The following KIAA1549L variants were observed in gnomAD, a reference collection of about 807,000 sequenced individuals.
KIAA1549L encodes the protein KIAA1549 like.
KIAA1549L carries 88 observed loss-of-function variants against 160.7 expected under a neutral mutation model. That is an observed-to-expected ratio of 0.55 (90% confidence interval 0.46 to 0.65). The LOEUF is 0.65. Among genes scored for constraint, KIAA1549L ranks in the 30% least tolerant of loss-of-function variants. KIAA1549L has a pLI of 0.00. For missense variants in KIAA1549L, 2,258 were observed against 2,437.5 expected (o/e 0.93, Z 1.55); for synonymous variants, 950 against 976.7 (o/e 0.97, Z 0.51).
At chr11:33,435,842 ATGTGTGTGTGTGTGTGTGTG>A (rs71034688) in intron 1 of KIAA1549L, among the ~76,000 whole-genome samples, 1 of 67,632 alleles carries the variant, frequency 1.5e-5, no homozygotes, top group Non-Finnish European at 2.6e-5. Context: ...GTATATGTAT[ATGTGTGTGTGTGTGTGTGTG>A]TATAAAATAT....
At chr11:33,528,868 G>A (rs1450886705) in intron 1 of KIAA1549L, among the ~76,000 whole-genome samples, 2 of 152,202 alleles carry the variant, frequency 1.3e-5, no homozygotes, top group Non-Finnish European at 2.9e-5. Context: ...TACACGTTGG[G>A]TACAGTGTAT....
intron 11 of KIAA1549L, among the ~76,000 whole-genome samples, chr11:33,586,158 T>C (rs1234667305): frequency 6.6e-6 from 1 of 152,214 alleles, no homozygotes; most frequent in African/African-American, 2.4e-5. Flanking sequence ...AACAAAAAAG[T>C]TAGCCTTCAC....
intron 1 of KIAA1549L, among the ~76,000 whole-genome samples, chr11:33,517,852 G>A (rs927598244): frequency 3.3e-5 from 5 of 152,044 alleles, no homozygotes; most frequent in African/African-American, 1.2e-4. Context: ...AAACTTAAAA[G>A]ACATTGCAGG....
chr11:33,646,058 C>T, intron 17 of KIAA1549L, 22 bp downstream of exon 17: 1 of 1,515,544 alleles, frequency 6.6e-7, no homozygotes, highest in Non-Finnish European at 8.9e-7. Context: ...ATTCCACCCA[C>T]CTGCCATCAT....
At chr11:33,393,792 T>C (rs1850317040) in intron 1 of KIAA1549L, among the ~76,000 whole-genome samples, 1 of 152,238 alleles carries the variant, frequency 6.6e-6, no homozygotes, top group Non-Finnish European at 1.5e-5. Flanking sequence ...CCCCGAAAAC[T>C]TGAGAGCCGC....
intron 1 of KIAA1549L, among the ~76,000 whole-genome samples, chr11:33,400,344 G>C (rs965035803): frequency 3.3e-5 from 5 of 152,180 alleles, no homozygotes; most frequent in African/African-American, 1.2e-4. Context: ...AAAATAAGTG[G>C]TACAGAAACT....
chr11:33,636,087 G>A (rs1321958974), intron 16 of KIAA1549L, among the ~76,000 whole-genome samples: 1 of 152,198 alleles, frequency 6.6e-6, no homozygotes, highest in Non-Finnish European at 1.5e-5. Flanking sequence ...CAAGGATAAT[G>A]TCTATGCTAC....
intron 1 of KIAA1549L, among the ~76,000 whole-genome samples, chr11:33,380,299 C>T (rs1590209583): frequency 1.3e-5 from 2 of 152,296 alleles, no homozygotes; most frequent in East Asian, 1.9e-4. Flanking sequence ...TCAGTCTCTA[C>T]ACTCCTGTTC....
At chr11:33,456,699 A>G (rs753651347) in intron 1 of KIAA1549L, among the ~76,000 whole-genome samples, 2 of 152,202 alleles carry the variant, frequency 1.3e-5, no homozygotes, top group African/African-American at 2.4e-5. Flanking sequence ...GGCGTGAGCC[A>G]TTGTGCCCAG....
Position 33,673,244 on chromosome 11 carries a change from C to G in KIAA1549L, c.*5090C>G, listed in dbSNP as rs1029902881. ...ATCTGTCTCCATTGGTCAAACCATA[C>G]TTCAGTGAGAGCCATTATAAGTGAA... On this transcript the variant is annotated 3_prime_UTR_variant, in exon 21 of 21. Transcript: ENST00000658780. 6.6e-6 allele frequency: 1 copy of G among 152,188 alleles called. No individual in the cohort carries two copies. Among genetic ancestry groups the G allele is most frequent in the African/African-American group, 2.4e-5 (1 of 41,444 alleles). 9.4% of individuals were successfully genotyped at this position (152,188 alleles called of 1,614,324 possible).
intron 1 of KIAA1549L, among the ~76,000 whole-genome samples, chr11:33,538,591 AT>A (rs1382612311): frequency 6.6e-6 from 1 of 152,200 alleles, no homozygotes; most frequent in Non-Finnish European, 1.5e-5. Context: ...ATTTTTAAAA[AT>A]TCAACCTATA....
chr11:33,439,174 A>C (rs1007910365), intron 1 of KIAA1549L, among the ~76,000 whole-genome samples: 1 of 152,180 alleles, frequency 6.6e-6, no homozygotes, highest in Admixed American at 6.5e-5. Flanking sequence ...GGCCTCCCAA[A>C]GTGCTGGGAT....
At chr11:33,419,762 G>A (rs1357234563) in intron 1 of KIAA1549L, among the ~76,000 whole-genome samples, 6 of 151,980 alleles carry the variant, frequency 3.9e-5, no homozygotes, top group Non-Finnish European at 8.8e-5. Flanking sequence ...TGGGAGAATC[G>A]TTTGAACCCA....
intron 1 of KIAA1549L, among the ~76,000 whole-genome samples, chr11:33,418,011 T>G (rs1850922758): frequency 6.6e-6 from 1 of 152,210 alleles, no homozygotes; most frequent in African/African-American, 2.4e-5. Context: ...ACTCCTGACC[T>G]CAAGTGATCC....
At chr11:33,652,299 G>T (rs1056015299) in intron 17 of KIAA1549L, among the ~76,000 whole-genome samples, 2 of 152,122 alleles carry the variant, frequency 1.3e-5, no homozygotes, top group Admixed American at 1.3e-4. Flanking sequence ...ATGCACAGGA[G>T]TGGGTAGAAG....
chr11:33,435,818 G>GTA (rs1178288261), intron 1 of KIAA1549L, among the ~76,000 whole-genome samples: 17 of 45,316 alleles, frequency 3.8e-4, no homozygotes, highest in African/African-American at 1.0e-3. Context: ...ATATGTGTGT[G>GTA]TATATATATA....
At chr11:33,434,710 A>G (rs1445365202) in intron 1 of KIAA1549L, among the ~76,000 whole-genome samples, 1 of 152,210 alleles carries the variant, frequency 6.6e-6, no homozygotes, top group Non-Finnish European at 1.5e-5. Flanking sequence ...TCCAAAATCC[A>G]AATAGGCCTA....
intron 4 of KIAA1549L, among the ~76,000 whole-genome samples, chr11:33,550,580 G>C (rs1854424806): frequency 6.6e-6 from 1 of 152,112 alleles, no homozygotes; most frequent in Admixed American, 6.5e-5. Flanking sequence ...TCTAGAAAGA[G>C]GAATTCACTT....
chr11:33,668,288 C>T lies in KIAA1549L; in HGVS notation c.*134C>T, dbSNP rs1231339800. On this transcript the variant is annotated 3_prime_UTR_variant, in exon 21 of 21. Transcript: ENST00000658780. ...CACCCTCCATTTCTGAAAAGGTGAA[C>T]TATGGGGCTTCTGGGAACAGGAAAC... The T allele has an allele frequency of 4.9e-6, 4 of 815,778 alleles. No homozygotes were observed. The highest frequency in any genetic ancestry group is 5.7e-6 in the Non-Finnish European group (3 of 526,738). 50.5% of individuals were successfully genotyped at this position (815,778 alleles called of 1,614,324 possible).
Sources: gnomAD v4.1 joint callset for allele counts (sites outside exome capture counted in the v4.1 genomes callset) on GRCh38, gnomAD v4.1.1 for gene constraint, MANE v1.5 for transcripts, NCBI Gene and HGNC (gene_info 2026-07-23, HGNC 2026-07-21) for gene names.